MDH1B: variants seen among roughly 807,000 people sequenced by gnomAD.
The protein encoded by MDH1B is malate dehydrogenase 1B.
MDH1B carries 60 observed loss-of-function variants against 61.4 expected under a neutral mutation model. That is an observed-to-expected ratio of 0.98 (90% CI 0.79 to 1.21). The LOEUF is 1.21. Ranked by LOEUF, MDH1B falls within the 50% of genes most tolerant of loss-of-function variation. The pLI is 0.00. For missense variants in MDH1B, 587 were observed against 632.1 expected (o/e 0.93, Z 0.76); for synonymous variants, 236 against 218.7 (o/e 1.08, Z -0.70).
At chr2:206,764,593 TTCAA>T (rs1213908453) in intron 1 of MDH1B, among the ~76,000 whole-genome samples, 2 of 152,204 alleles carry the variant, frequency 1.3e-5, no homozygotes, top group African/African-American at 4.8e-5. Context: ...AACCAGCACT[TTCAA>T]TCATTCTCTC....
chr2:206,747,828 AACAT>A (rs869263107), intron 7 of MDH1B, among the ~76,000 whole-genome samples: 1 of 118,056 alleles, frequency 8.5e-6, no homozygotes, highest in African/African-American at 4.4e-5. Flanking sequence ...TTCTACTTAT[AACAT>A]AAAGAATACA....
chr2:206,751,208 T>C (rs1688419356), intron 5 of MDH1B, 133 bp from the exon 6 acceptor site: 2 of 609,480 alleles, frequency 3.3e-6, no homozygotes, highest in Non-Finnish European at 5.3e-6. Context: ...AATCTAGGTT[T>C]ATGATTCCTA....
In MDH1B at chr2:206,739,624, A is replaced by AAACTC. The variant is rs1687693383; in HGVS notation, c.1496_1497insGAGTT (p.Phe499LeufsTer12). On this transcript the variant is annotated frameshift_variant, in exon 11 of 12. Coordinates refer to ENST00000374412, the MANE Select transcript of MDH1B (RefSeq NM_001039845.3). LOFTEE classifies it low-confidence loss of function (END_TRUNC). ...GGAACTCAAGACTCTGTGGCTTTTC[A>AAACTC]AAGGTGGTTTGAGGAATCTGATTTG... 1 of 1,614,034 alleles carries AAACTC rather than the reference A, an allele frequency of 6.2e-7. No homozygotes were observed. The highest frequency in any genetic ancestry group is 1.7e-5 in the Admixed American group (1 of 60,000).
intron 7 of MDH1B, among the ~76,000 whole-genome samples, chr2:206,747,691 C>G (rs1395482569): frequency 6.6e-6 from 1 of 152,118 alleles, no homozygotes; most frequent in Non-Finnish European, 1.5e-5. Flanking sequence ...TAATATTCTC[C>G]GTGATAGGCG....
chr2:206,738,453 G>A lies in MDH1B; in HGVS notation c.*30C>T. The A allele has an allele frequency of 6.7e-7, 1 of 1,497,872 alleles. No homozygotes were observed. The highest frequency in any genetic ancestry group is 9.1e-7 in the Non-Finnish European group (1 of 1,093,242). The allele number at this position is 1,497,872 out of a possible 1,614,324, so 92.8% of individuals were successfully genotyped here. On this transcript the variant is annotated 3_prime_UTR_variant, in exon 12 of 12. Coordinates refer to ENST00000374412, the MANE Select transcript of MDH1B (RefSeq NM_001039845.3). ...CTTTCTATGTTTATTGTGCTATCAAGTAATTATATATTTCATCCAATTTGA... is the reference window on the plus strand; with the variant it reads ...CTTTCTATGTTTATTGTGCTATCAAATAATTATATATTTCATCCAATTTGA...
chr2:206,758,115 G>A (rs562212706), intron 2 of MDH1B, among the ~76,000 whole-genome samples: 33 of 152,228 alleles, frequency 2.2e-4, no homozygotes, highest in African/African-American at 7.5e-4. Context: ...ATTCCAACAC[G>A]GTCCCTCTAG....
At chr2:206,758,878 A>G (rs186813018) in intron 2 of MDH1B, among the ~76,000 whole-genome samples, 1 of 151,904 alleles carries the variant, frequency 6.6e-6, no homozygotes, top group East Asian at 1.9e-4. Flanking sequence ...ACATGCACCT[A>G]AGTGATAAGG....
chr2:206,759,858 A>G (rs150625873), intron 2 of MDH1B, among the ~76,000 whole-genome samples: 1 of 152,332 alleles, frequency 6.6e-6, no homozygotes, highest in East Asian at 1.9e-4. Context: ...AACCCAGCAG[A>G]TGAGATAACT....
chr2:206,739,770 T>C (rs1559329019), intron 10 of MDH1B, 109 bp from the exon 11 acceptor site: 3 of 908,670 alleles, frequency 3.3e-6, no homozygotes, highest in Non-Finnish European at 5.2e-6. Context: ...TTTCTCTGAA[T>C]GCATTGCTCT....
At chr2:206,755,766 A>C (rs1462874225) in intron 4 of MDH1B, among the ~76,000 whole-genome samples, 2 of 152,236 alleles carry the variant, frequency 1.3e-5, no homozygotes, top group African/African-American at 4.8e-5. Flanking sequence ...CAAAGAAAAC[A>C]GAATTCCCCC....
intron 7 of MDH1B, 90 bp from the exon 8 acceptor site, chr2:206,746,516 A>C (rs1574627422): frequency 7.5e-7 from 1 of 1,330,024 alleles, no homozygotes; most frequent in East Asian, 2.7e-5. Context: ...TGACAGACAT[A>C]GTATAGGATT....
At chr2:206,742,287 T>A (rs938779092) in intron 9 of MDH1B, among the ~76,000 whole-genome samples, 1 of 152,204 alleles carries the variant, frequency 6.6e-6, no homozygotes, top group Non-Finnish European at 1.5e-5. Context: ...AGGTGTCTCC[T>A]GTTAAAGTGA....
chr2:206,761,810 T>A (rs767764981), intron 1 of MDH1B, among the ~76,000 whole-genome samples: 1 of 152,134 alleles, frequency 6.6e-6, no homozygotes, highest in Non-Finnish European at 1.5e-5. Context: ...TCTTCCTCAG[T>A]TAAGATAACT....
rs1688670704 is a variant in MDH1B at position 206,755,022 on chromosome 2, C to T, written c.897G>A (p.Lys299=). ...ACATTCACTCACATGAAGGAGCTGTCTTCAGTTTTCTGGCCAGTATGGCTT... is the reference window on the plus strand; with the variant it reads ...ACATTCACTCACATGAAGGAGCTGTTTTCAGTTTTCTGGCCAGTATGGCTT... ...EAKAILARKL[K]TAPSYIKDVI... Residue 299 remains lysine (K), a synonymous_variant, in exon 5 of 12, where the codon AAG becomes AAA. Transcript: ENST00000374412. 1 of 1,612,228 alleles carries T rather than the reference C, an allele frequency of 6.2e-7. No individual in the cohort carries two copies. Among genetic ancestry groups the T allele is most frequent in the Non-Finnish European group, 8.5e-7 (1 of 1,178,398 alleles).
chr2:206,755,503 G>A lies in MDH1B; in HGVS notation c.416C>T (p.Ala139Val), dbSNP rs1283216184. ...INPLQVWITS[A>V]SAPACYNLIP... ...TAGGTTGTAGCAGGCAGGAGCAGAG[G>A]CACTGATAAAAATGCAAAGCCGCAT... Residue 139 changes from alanine to valine, a missense_variant and splice_region_variant, in exon 5 of 12, where the codon GCC becomes GTC. Transcript: ENST00000374412. 3 of 1,608,546 alleles carry A rather than the reference G, an allele frequency of 1.9e-6. No homozygotes were observed. Among genetic ancestry groups the A allele is most frequent in the Non-Finnish European group, 2.5e-6 (3 of 1,177,086 alleles).
chr2:206,755,071 G>A lies in MDH1B; in HGVS notation c.848C>T (p.Ala283Val), dbSNP rs147594487. 6.6e-5 allele frequency: 107 copies of A among 1,614,134 alleles called. No homozygotes were observed. The highest frequency in any genetic ancestry group is 1.3e-4 in the African/African-American group (10 of 75,042). ...TTTCGCTTCACCTTCCACCCCCAGC[G>A]CCACAGCAATAATGTTGTGTGCAAT... ...PRIAHNIIAV[A>V]LGVEGEAKAI... is the part of the protein sequence containing the mutation. Residue 283 changes from alanine to valine, a missense_variant, in exon 5 of 12, where the codon GCG (alanine) becomes GTG (valine). Transcript: ENST00000374412.
Position 206,746,400 on chromosome 2 carries a change from C to A in MDH1B, c.1243G>T (p.Val415Phe). ...EGQFGIPKGI[V>F]FSMPVKFENG... is the part of the protein sequence containing the mutation. ...TCAAATTTCACAGGCATAGAAAAGA[C>A]GATCCCTTTCGGAATACCAAACTGG... Residue 415 changes from valine to phenylalanine, a missense_variant, in exon 8 of 12, where the codon GTC becomes TTC. Transcript: ENST00000374412. 6.2e-7 allele frequency: 1 copy of A among 1,613,384 alleles called. No individual in the cohort carries two copies. The highest frequency in any genetic ancestry group is 8.5e-7 in the Non-Finnish European group (1 of 1,179,752).
chr2:206,749,112 A>G lies in MDH1B; in HGVS notation c.1124T>C (p.Ile375Thr), dbSNP rs749970195. ...LTTTGRQFGG[I>T]LAAHSIATTL... is the part of the protein sequence containing the mutation. ...AGTGGCTATACTGTGTGCAGCCAAA[A>G]TGCCTCCAAATTGTCTTCCTGTGGT... Residue 375 changes from isoleucine (I) to threonine (T), a missense_variant, in exon 7 of 12, where the codon ATT (isoleucine) becomes ACT (threonine). Ile to Thr is a moderately conservative substitution (Grantham distance 89). Transcript: ENST00000374412. The G allele has an allele frequency of 2.5e-6, 4 of 1,614,048 alleles. No individual in the cohort carries two copies. The African/African-American group carries it at 4.0e-5, about 16-fold the overall frequency.
intron 6 of MDH1B, among the ~76,000 whole-genome samples, chr2:206,749,578 A>G (rs1228106396): frequency 6.6e-6 from 1 of 152,228 alleles, no homozygotes; most frequent in Non-Finnish European, 1.5e-5. Context: ...CGTATCCCTT[A>G]GCCTAAATGC....
Sources: gnomAD v4.1 joint callset for allele counts (sites outside exome capture counted in the v4.1 genomes callset) on GRCh38, gnomAD v4.1.1 for gene constraint, MANE v1.5 for transcripts, NCBI Gene and HGNC (gene_info 2026-07-23, HGNC 2026-07-21) for gene names.